Variants in GAS6 observed in about 807,000 individuals in gnomAD.
The protein encoded by GAS6 is growth arrest-specific protein 6.
Under a neutral mutation model 75.8 loss-of-function variants are expected in GAS6, and 41 were observed. The ratio of observed to expected loss-of-function variants is 0.54; its 90% CI spans 0.42 to 0.70. The LOEUF is 0.70. GAS6 is among the 30% of genes least tolerant of loss of function. The pLI, the probability that GAS6 is intolerant of heterozygous loss-of-function variation, is 0.00. For missense variants in GAS6, 854 were observed against 940.2 expected (o/e 0.91, Z 1.20); for synonymous variants, 432 against 412.6 (o/e 1.05, Z -0.57).
Position 113,863,674 on chromosome 13 carries a change from G to T in GAS6, c.156C>A (p.Val52=). Residue 52 remains valine, a synonymous_variant, in exon 2 of 15, where the codon GTC becomes GTA. Coordinates refer to ENST00000327773, the MANE Select transcript of GAS6 (RefSeq NM_000820.4). The surrounding 1 kb of genome is among the most constrained non-coding windows in gnomAD (Gnocchi z 9.4). The part of the protein sequence containing the change: ...LRPRQRRAFQ[V]FEEAKQGHLE... ...GGTGGCCCTGCTTGGCCTCCTCGAA[G>T]ACCTGAAAGGCGCGGCGCTGCCTGG... 6.6e-7 allele frequency: 1 copy of T among 1,520,320 alleles called. No homozygotes were observed. The highest frequency in any genetic ancestry group is 8.8e-7 in the Non-Finnish European group (1 of 1,134,380). 94.2% of individuals were successfully genotyped at this position (1,520,320 alleles called of 1,614,324 possible).
chr13:113,847,091 T>C (rs1309069624), intron 3 of GAS6: 1 of 467,096 alleles, frequency 2.1e-6, no homozygotes, highest in Admixed American at 2.3e-5. Flanking sequence ...CATCCAGGGA[T>C]AACCCGAAGC....
In GAS6 at chr13:113,850,625, C is replaced by T. The variant is rs573697603; in HGVS notation, c.256-2575G>A. On this transcript the variant is annotated intron_variant, in intron 2 of 14. Coordinates refer to ENST00000327773, the MANE Select transcript of GAS6 (RefSeq NM_000820.4). ...GAGGAAAAAGACAACATCTACCTGC[C>T]CAGCACCGAGCCTGGTGCTGACTGT... Among the ~76,000 whole-genome samples, 3 of 152,328 alleles carry T rather than the reference C, an allele frequency of 2.0e-5. No homozygotes were observed. In the East Asian group the frequency reaches 5.8e-4, roughly 29 times the overall value.
intron 10 of GAS6, among the ~76,000 whole-genome samples, chr13:113,829,831 G>T (rs544192872): frequency 5.2e-5 from 5 of 96,102 alleles, no homozygotes; most frequent in African/African-American, 8.3e-5. Context: ...ACCTGACCTC[G>T]GGGAGACCAC....
chr13:113,848,404 C>G lies in GAS6; in HGVS notation c.256-354G>C, dbSNP rs191073972. On this transcript the variant is annotated intron_variant, in intron 2 of 14. Transcript: ENST00000327773. This position sits in a 1 kb window ranked among gnomAD's most constrained non-coding sequence, Gnocchi z 4.8. ...GTTGACACAAAGGTCTCTCAAAACC[C>G]CAAAGACCTTTCTTTTGGCACACGG... 1.1e-3 allele frequency among the ~76,000 whole-genome samples: 174 copies of G among 152,298 alleles called. No individual in the cohort carries two copies. The highest frequency in any genetic ancestry group is 2.7e-3 in the Admixed American group (42 of 15,294).
intron 12 of GAS6, 35 bp downstream of exon 12, chr13:113,826,961 C>A: frequency 6.3e-7 from 1 of 1,580,714 alleles, no homozygotes; most frequent in Non-Finnish European, 8.6e-7. Context: ...GAAGGTGCAG[C>A]CACAGCCACC....
At chr13:113,824,043 G>A (rs1404987634) in intron 12 of GAS6, among the ~76,000 whole-genome samples, 2 of 151,630 alleles carry the variant, frequency 1.3e-5, no homozygotes, top group East Asian at 1.9e-4. Flanking sequence ...CGGTGGTCTG[G>A]GGTCTGAGCT....
At chr13:113,855,246 G>C (rs2051905286) in intron 2 of GAS6, among the ~76,000 whole-genome samples, 1 of 152,196 alleles carries the variant, frequency 6.6e-6, no homozygotes, top group Non-Finnish European at 1.5e-5. Flanking sequence ...CACCTTTGGA[G>C]GTGTCAATCC....
chr13:113,825,306 A>C (rs951328726), intron 12 of GAS6, among the ~76,000 whole-genome samples: 22 of 149,946 alleles, frequency 1.5e-4, no homozygotes, highest in Admixed American at 1.5e-3. Flanking sequence ...TCGGGGCTTC[A>C]CAAGGGCACC....
In GAS6 at chr13:113,848,203, G is replaced by A. The variant is rs1056509955; in HGVS notation, c.256-153C>T. On this transcript the variant is annotated intron_variant, in intron 2 of 14. Coordinates refer to ENST00000327773, the MANE Select transcript of GAS6 (RefSeq NM_000820.4). This position sits in a 1 kb window ranked among gnomAD's most constrained non-coding sequence, Gnocchi z 4.8. ...AACTGAGGGGAAGTGACCGGGGCAC[G>A]ACTGCTGTGAGACCAACAAGCAAAG... Among the ~76,000 whole-genome samples, 62 of 152,110 alleles carry A rather than the reference G, an allele frequency of 4.1e-4. No individual in the cohort carries two copies. The highest frequency in any genetic ancestry group is 1.4e-3 in the African/African-American group (60 of 41,414).
intron 4 of GAS6, chr13:113,842,900 G>C (rs1370732790): frequency 2.5e-6 from 1 of 397,012 alleles, no homozygotes; most frequent in African/African-American, 2.1e-5. Context: ...CTGAGGGACA[G>C]TGCCTGCTCC....
intron 10 of GAS6, 87 bp downstream of exon 10, chr13:113,832,209 TCTC>T: frequency 7.2e-7 from 1 of 1,395,250 alleles, no homozygotes; most frequent in Admixed American, 2.0e-5. Context: ...CCAGAGCTCA[TCTC>T]CTAACGGTTG....
At chr13:113,854,403 C>T (rs761240251) in intron 2 of GAS6, among the ~76,000 whole-genome samples, 6 of 152,236 alleles carry the variant, frequency 3.9e-5, no homozygotes, top group Non-Finnish European at 8.8e-5. Context: ...GCGGTAACGC[C>T]GAGACTCGCC....
At position 113,863,705 on chromosome 13, in the gene GAS6, A is replaced by C; in HGVS notation, c.125T>G (p.Leu42Arg). ...AAAGGCGCGGCGCTGCCTGGGCCGCAGGAACTGCGTGGCCTCGCGCGCCGG... is the reference window on the plus strand; with the variant it reads ...AAAGGCGCGGCGCTGCCTGGGCCGCCGGAACTGCGTGGCCTCGCGCGCCGG... ...LLPAREATQFLRPRQRRAFQV... is the reference protein window; with the variant it reads ...LLPAREATQFRRPRQRRAFQV... Residue 42 changes from leucine to arginine, a missense_variant, in exon 2 of 15, where the codon CTG becomes CGG. Physicochemically the swap from Leu to Arg is moderately radical, Grantham distance 102. Transcript: ENST00000327773. This position sits in a 1 kb window ranked among gnomAD's most constrained non-coding sequence, Gnocchi z 9.4. 1 of 1,512,268 alleles carries C rather than the reference A, an allele frequency of 6.6e-7. No homozygotes were observed. Among genetic ancestry groups the C allele is most frequent in the Non-Finnish European group, 8.8e-7 (1 of 1,132,646 alleles). 93.7% of individuals were successfully genotyped at this position (1,512,268 alleles called of 1,614,324 possible).
At position 113,821,026 on chromosome 13, in the gene GAS6, G is replaced by T; in HGVS notation, c.1883-8C>A. On this transcript the variant is annotated splice_region_variant and splice_polypyrimidine_tract_variant and intron_variant, in intron 14 of 14. Transcript: ENST00000327773. ...CTGAAGTCACCGGCACATCTGGGCC[G>T]CAGGGAGAGAACAACATATCTTAGC... 1.9e-6 allele frequency: 3 copies of T among 1,611,948 alleles called. No individual in the cohort carries two copies. The highest frequency in any genetic ancestry group is 2.5e-6 in the Non-Finnish European group (3 of 1,179,624).
At chr13:113,841,570 A>G (rs1227095796) in intron 4 of GAS6, 6 of 154,080 alleles carry the variant, frequency 3.9e-5, no homozygotes, top group East Asian at 2.1e-4. Flanking sequence ...TACACCCCAC[A>G]GTTTCCTCCA....
rs144262744 is a variant in GAS6, at chr13:113,822,036, C to T, written c.1804G>A (p.Ala602Thr). The change falls in exon 14 of 15, where the codon GCG becomes ACG. Residue 602 changes from alanine to threonine, a missense_variant. Transcript: ENST00000327773. Reference sequence around the variant, plus strand: ...ACGGCCAGCCTCTCCTGCAGCTGCGCGGCGCTCACCTCGCTCTGGCCCCTG... The same window carrying T: ...ACGGCCAGCCTCTCCTGCAGCTGCGTGGCGCTCACCTCGCTCTGGCCCCTG... Reference protein sequence around the residue: ...GTRGQSEVSAAQLQERLAVLE... With the variant: ...GTRGQSEVSATQLQERLAVLE... 2.0e-4 allele frequency: 317 copies of T among 1,574,676 alleles called. No individual in the cohort carries two copies. The highest frequency in any genetic ancestry group is 3.8e-4 in the Middle Eastern group (2 of 5,326).
intron 2 of GAS6, among the ~76,000 whole-genome samples, chr13:113,850,962 A>C (rs2051868474): frequency 1.3e-5 from 2 of 152,152 alleles, no homozygotes; most frequent in African/African-American, 4.8e-5. Context: ...TGGATGGATA[A>C]GTGAGTGGAT....
At position 113,828,753 on chromosome 13, in the gene GAS6, T is replaced by A; in HGVS notation, c.1144-42A>T. 2.5e-6 allele frequency: 4 copies of A among 1,593,894 alleles called. No homozygotes were observed. The East Asian group carries it at 6.7e-5, about 27-fold the overall frequency. ...CCATGAGAAAAGATGGGAGTGCACG[T>A]TCTGAAGGGGCTCCCAACTGAGAAA... On this transcript the variant is annotated intron_variant, in intron 10 of 14. Coordinates refer to ENST00000327773, the MANE Select transcript of GAS6 (RefSeq NM_000820.4).
rs1374797088 is a variant in GAS6, at chr13:113,844,729, T to G, written c.343+1798A>C. ...AGTCTAAAGCTGTGGCCACGGCCTG[T>G]GGAAACCCGGCAGAAAATCTCCCAA... On this transcript the variant is annotated intron_variant, in intron 4 of 14. Coordinates refer to ENST00000327773, the MANE Select transcript of GAS6 (RefSeq NM_000820.4). The surrounding 1 kb of genome is among the most constrained non-coding windows in gnomAD (Gnocchi z 5.7). 1 of 150,548 alleles carries G rather than the reference T, an allele frequency of 6.6e-6. No homozygotes were observed. Among genetic ancestry groups the G allele is most frequent in the African/African-American group, 2.5e-5 (1 of 39,962 alleles). The allele number at this position is 150,548 out of a possible 1,614,324, so 9.3% of individuals were successfully genotyped here. A position where few individuals can be genotyped will look rare whatever the true frequency, so the allele number is the denominator to read the frequency against.
Sources: gnomAD v4.1 joint callset for allele counts (sites outside exome capture counted in the v4.1 genomes callset) on GRCh38, gnomAD v4.1.1 for gene constraint, Gnocchi (gnomAD v3.1) non-coding constraint, MANE v1.5 for transcripts, NCBI Gene and HGNC (gene_info 2026-07-23, HGNC 2026-07-21) for gene names.